NPIPB2: variants seen among roughly 807,000 people sequenced by gnomAD.
NPIPB2 encodes the protein nuclear pore complex-interacting protein family member B2.
A neutral mutation model predicts 30.8 loss-of-function variants in NPIPB2; 27 were observed. The ratio of observed to expected loss-of-function variants is 0.88; its 90% confidence interval spans 0.65 to 1.21. The LOEUF (loss-of-function observed/expected upper bound fraction) is 1.21. Ranked by LOEUF, NPIPB2 falls within the 50% of genes most tolerant of loss-of-function variation. NPIPB2 has a pLI of 0.00. For missense variants in NPIPB2, 440 were observed against 446.2 expected (o/e 0.99, Z 0.13); for synonymous variants, 147 against 162.0 (o/e 0.91, Z 0.70).
rs1344441916 is a variant in NPIPB2 at position 11,937,755 on chromosome 16, C to T, written c.64-87G>A. On this transcript the variant is annotated intron_variant, in intron 1 of 7. Coordinates refer to ENST00000399147, the Ensembl canonical transcript of NPIPB2. ...AAGAATCATCCTTAGAAACCGTCAA[C>T]CTCCTCCAAAAGGTAACCACATCCC... The T allele has an allele frequency of 1.1e-5, 17 of 1,507,102 alleles. No homozygotes were observed. In the East Asian group the frequency reaches 2.5e-4, roughly 22 times the overall value. The allele number at this position is 1,507,102 out of a possible 1,614,324, so 93.4% of individuals were successfully genotyped here. A position where few individuals can be genotyped will look rare whatever the true frequency, so the allele number is the denominator to read the frequency against.
chr16:11,958,158 G>C (rs35943660), intron 1 of NPIPB2, among the ~76,000 whole-genome samples: 7,583 of 152,188 alleles, frequency 0.05, 395 homozygotes, highest in African/African-American at 0.14. Context: ...GGGTGCGGTG[G>C]CTCACTCCTG....
chr16:11,948,040 C>T (rs1346263708), intron 1 of NPIPB2, among the ~76,000 whole-genome samples: 1 of 149,812 alleles, frequency 6.7e-6, no homozygotes, highest in African/African-American at 2.5e-5. Context: ...TTCTCCAGCC[C>T]GTTATCCACA....
intron 1 of NPIPB2, among the ~76,000 whole-genome samples, chr16:11,968,986 C>T (rs11570164): frequency 0.037 from 5,630 of 151,884 alleles, 367 homozygotes; most frequent in African/African-American, 0.13. Context: ...CTTGCCTCAG[C>T]CTCCCGAGTA....
At chr16:11,939,221 A>C (rs1426139085) in intron 1 of NPIPB2, among the ~76,000 whole-genome samples, 1 of 151,776 alleles carries the variant, frequency 6.6e-6, no homozygotes, top group African/African-American at 2.4e-5. Context: ...AATACAATGA[A>C]GAGATTACTT....
At chr16:11,967,850 A>C in intron 1 of NPIPB2, 1 of 1,612,604 alleles carries the variant, frequency 6.2e-7, no homozygotes, top group Non-Finnish European at 8.5e-7. Flanking sequence ...CTAGGTAATT[A>C]ACCATTTCGA....
intron 1 of NPIPB2, among the ~76,000 whole-genome samples, chr16:11,947,992 C>A (rs1001632525): frequency 6.8e-6 from 1 of 147,414 alleles, no homozygotes; most frequent in Admixed American, 7.0e-5. Context: ...TCAATTACAC[C>A]CAAGACTGGC....
chr16:11,964,858 C>T (rs1297844940), intron 1 of NPIPB2, among the ~76,000 whole-genome samples: 5 of 152,180 alleles, frequency 3.3e-5, no homozygotes, highest in Non-Finnish European at 2.9e-5. Flanking sequence ...ACCCCTGCAG[C>T]TGGCCTCAAT....
intron 1 of NPIPB2, among the ~76,000 whole-genome samples, chr16:11,948,766 CAAAAAAAA>C (rs34639444): frequency 8.9e-5 from 6 of 67,258 alleles, no homozygotes; most frequent in East Asian, 5.4e-4. Context: ...GACTCCGTCT[CAAAAAAAA>C]AAAAAAAAAA....
At chr16:11,957,450 T>C (rs2055121279) in intron 1 of NPIPB2, among the ~76,000 whole-genome samples, 1 of 151,866 alleles carries the variant, frequency 6.6e-6, no homozygotes. Flanking sequence ...TGAACCACCG[T>C]GCCCTACCAA....
At chr16:11,952,965 A>T (rs142994208) in intron 1 of NPIPB2, among the ~76,000 whole-genome samples, 1,532 of 152,296 alleles carry the variant, frequency 0.01, 14 homozygotes, top group Non-Finnish European at 0.017. Context: ...GATTCTAAAA[A>T]GACTGACTTG....
chr16:11,954,575 A>T lies in NPIPB2; in HGVS notation c.-583-12461T>A, dbSNP rs1596502288. ...AAAATTTTTTTTAAGAAGAAAAAAGACTCGATACATATTGAGTATTGGATA... is the reference window on the plus strand; with the variant it reads ...AAAATTTTTTTTAAGAAGAAAAAAGTCTCGATACATATTGAGTATTGGATA... On this transcript the variant is annotated intron_variant, in intron 1 of 5. Coordinates refer to the NPIPB2 transcript ENST00000538896. Among the ~76,000 whole-genome samples, 3 of 152,012 alleles carry T rather than the reference A, an allele frequency of 2.0e-5. No homozygotes were observed. In the East Asian group the frequency reaches 5.8e-4, roughly 29 times the overall value.
At chr16:11,965,585 G>A (rs2055187109) in intron 1 of NPIPB2, 2 of 954,280 alleles carry the variant, frequency 2.1e-6, no homozygotes, top group Non-Finnish European at 3.1e-6. Flanking sequence ...AGGAAGCAAG[G>A]CAGTGATTTT....
chr16:11,972,856 C>T (rs916099159), intron 1 of NPIPB2, among the ~76,000 whole-genome samples: 2 of 138,466 alleles, frequency 1.4e-5, no homozygotes, highest in South Asian at 4.5e-4. Context: ...GAGCGAGATT[C>T]GGACTCAAAA....
chr16:11,951,618 A>T lies in NPIPB2; in HGVS notation c.-583-9504T>A, dbSNP rs2055064260. On this transcript the variant is annotated intron_variant, in intron 1 of 5. Coordinates refer to the NPIPB2 transcript ENST00000538896. Reference sequence around the variant, plus strand: ...GCACTGATACAGATGGACACTGCACATACACATACACACACACACACACAC... The same window carrying T: ...GCACTGATACAGATGGACACTGCACTTACACATACACACACACACACACAC... 2.7e-5 allele frequency among the ~76,000 whole-genome samples: 3 copies of T among 111,100 alleles called. No homozygotes were observed. The East Asian group carries it at 6.6e-4, about 25-fold the overall frequency. 72.9% of individuals were successfully genotyped at this position (111,100 alleles called of 152,430 possible).
exon 3 of NPIPB2, chr16:11,933,873 T>C (rs1199129113): frequency 6.4e-7 from 1 of 1,568,814 alleles, no homozygotes; most frequent in East Asian, 2.2e-5. Flanking sequence ...TGTACATCTG[T>C]GGATACATCA....
upstream of NPIPB2, among the ~76,000 whole-genome samples, chr16:11,942,435 C>G (rs1208836378): frequency 6.7e-6 from 1 of 149,318 alleles, no homozygotes; most frequent in Non-Finnish European, 1.5e-5. Flanking sequence ...CTGGGAATTC[C>G]TCTTTGTGGC....
chr16:11,946,882 G>A (rs895654784), upstream of NPIPB2, among the ~76,000 whole-genome samples: 3 of 151,452 alleles, frequency 2.0e-5, no homozygotes, highest in Non-Finnish European at 4.4e-5. Context: ...ACCACACCCG[G>A]CTAATTTTTG....
At chr16:11,952,700 G>T (rs551513745) in intron 1 of NPIPB2, among the ~76,000 whole-genome samples, 2 of 151,866 alleles carry the variant, frequency 1.3e-5, no homozygotes, top group African/African-American at 4.8e-5. Flanking sequence ...GAGTAGTTGG[G>T]ACTACAGGCA....
chr16:11,951,625 T>TACATACAC (rs1422926153), intron 1 of NPIPB2, among the ~76,000 whole-genome samples: 1 of 95,868 alleles, frequency 1.0e-5, no homozygotes, highest in Admixed American at 1.0e-4. Context: ...CACATACACA[T>TACATACAC]ACACACACAC....
Sources: allele counts gnomAD v4.1 joint callset (sites outside exome capture counted in the v4.1 genomes callset), GRCh38; gene constraint gnomAD v4.1.1; transcripts MANE v1.5; gene names NCBI Gene and HGNC (gene_info 2026-07-23, HGNC 2026-07-21).